ADGRA2: variants seen among roughly 807,000 people sequenced by gnomAD.
ADGRA2 encodes the protein G-protein coupled receptor 124.
ADGRA2 carries 61 observed loss-of-function variants against 98.7 expected under a neutral mutation model. The observed-to-expected ratio is 0.62, with a 90% CI of 0.50 to 0.76. The LOEUF (loss-of-function observed/expected upper bound fraction) is 0.76. Among genes scored for constraint, ADGRA2 ranks in the 30% least tolerant of loss-of-function variants. The probability of loss-of-function intolerance (pLI) is 0.00; values close to 1 mark genes in which losing one functional copy is unlikely to be tolerated. For missense variants in ADGRA2, 1,712 were observed against 1,860.0 expected, an observed-to-expected ratio of 0.92 and a Z score of 1.46; for synonymous variants, 858 against 831.5, an observed-to-expected ratio of 1.03 and a Z score of -0.55.
chr8:37,842,348 C>T lies in ADGRA2; in HGVS notation c.4010C>T (p.Thr1337Ile), dbSNP rs1345447583. Residue 1337 changes from threonine to isoleucine, a missense_variant, in exon 19 of 19, where the codon ACC (threonine) becomes ATC (isoleucine). By Grantham distance (89) the Thr-to-Ile change is moderately conservative (BLOSUM62 -1). Transcript: ENST00000412232. ...MKTGLWKSET[T>I]V ...ACCGGACTCTGGAAGAGCGAAACTA[C>T]CGTCTAAGGTGGGGCGGGCGACGCG... The T allele has an allele frequency of 2.7e-6, 4 of 1,492,326 alleles. No homozygotes were observed. Among genetic ancestry groups the T allele is most frequent in the African/African-American group, 2.9e-5 (2 of 68,166 alleles). 92.4% of individuals were successfully genotyped at this position (1,492,326 alleles called of 1,614,324 possible). A position where few individuals can be genotyped will look rare whatever the true frequency, so the allele number is the denominator to read the frequency against.
intron 2 of ADGRA2, among the ~76,000 whole-genome samples, chr8:37,828,203 A>G (rs545341906): frequency 6.6e-6 from 1 of 152,304 alleles, no homozygotes; most frequent in East Asian, 1.9e-4. Flanking sequence ...CACAAAGGCC[A>G]GGCTCAAGAA....
At chr8:37,808,401 G>A (rs920470541) in intron 1 of ADGRA2, among the ~76,000 whole-genome samples, 3 of 152,162 alleles carry the variant, frequency 2.0e-5, no homozygotes, top group Non-Finnish European at 4.4e-5. Context: ...TGTCTTGTGG[G>A]GGTTGAAGAG....
intron 1 of ADGRA2, among the ~76,000 whole-genome samples, chr8:37,800,006 A>C (rs1804452319): frequency 6.6e-6 from 1 of 152,154 alleles, no homozygotes; most frequent in African/African-American, 2.4e-5. Flanking sequence ...CCTTCCTCTG[A>C]GGCTCAGTCC....
chr8:37,833,563 C>T, intron 9 of ADGRA2, 125 bp from the exon 10 acceptor site: 1 of 987,670 alleles, frequency 1.0e-6, no homozygotes, highest in Non-Finnish European at 1.5e-6. Flanking sequence ...TTGATGAGAC[C>T]CAGAAGGTAG....
chr8:37,797,247 G>T lies in ADGRA2; in HGVS notation c.-22G>T. The T allele has an allele frequency of 8.1e-7, 1 of 1,237,780 alleles. No homozygotes were observed. Among genetic ancestry groups the T allele is most frequent in the Non-Finnish European group, 1.0e-6 (1 of 992,830 alleles). 76.7% of individuals were successfully genotyped at this position (1,237,780 alleles called of 1,614,324 possible). ...GCGCAGCCCGGCCCCAGCGCTGTGG[G>T]TCCCCGCGGGGCGATGGGTTGATGG... On this transcript the variant is annotated 5_prime_UTR_variant, in exon 1 of 19. Transcript: ENST00000412232. This position sits in a 1 kb window ranked among gnomAD's most constrained non-coding sequence, Gnocchi z 5.3.
At position 37,841,206 on chromosome 8, in the gene ADGRA2, G is replaced by T; in HGVS notation, c.2868G>T (p.Gln956His). 1.9e-6 allele frequency: 3 copies of T among 1,613,588 alleles called. No homozygotes were observed. Residue 956 changes from glutamine (Q) to histidine (H), a missense_variant, in exon 19 of 19, where the codon CAG (glutamine) becomes CAT (histidine). Transcript: ENST00000412232. The surrounding 1 kb of genome is among the most constrained non-coding windows in gnomAD (Gnocchi z 5.0). ...AGLRLRGPLA[Q>H]NPKAGNSRAS... is the part of the protein sequence containing the mutation. ...TACGCTTACGGGGTCCTCTGGCACA[G>T]AACCCCAAGGCGGGCAACAGCAGGG...
Position 37,835,272 on chromosome 8 carries a change from GGGCACACGGCCA to G in ADGRA2, c.1710_1721del (p.Thr571_Gly574del), listed in dbSNP as rs1805573497. 2.5e-6 allele frequency: 4 copies of G among 1,613,646 alleles called. No individual in the cohort carries two copies. Among genetic ancestry groups the G allele is most frequent in the South Asian group, 1.1e-5 (1 of 91,078 alleles). ...TCCAGAGGAGGGAGGGAGGGGTGCC[GGGCACACGGCCA>G]GGAAGCCCTGGCCAGAACCCCCCAC... is the stretch of plus-strand genomic sequence containing the variant. On this transcript the variant is annotated inframe_deletion, in exon 12 of 19. Transcript: ENST00000412232.
rs761737472 is a variant in ADGRA2, at chr8:37,829,444, G to A, written c.483-44G>A. ...CACCTGCTCTCCTCCGCCGGCCCAT[G>A]GACACCCTAAGACCCCATCTCAGTT... is the stretch of plus-strand genomic sequence containing the variant. On this transcript the variant is annotated intron_variant, in intron 4 of 18. Coordinates refer to ENST00000412232, the MANE Select transcript of ADGRA2 (RefSeq NM_032777.10). 1.9e-6 allele frequency: 3 copies of A among 1,568,798 alleles called. No homozygotes were observed. In the African/African-American group the frequency reaches 4.1e-5, roughly 21 times the overall value.
chr8:37,825,947 C>T (rs765375382), intron 2 of ADGRA2, among the ~76,000 whole-genome samples: 2 of 152,168 alleles, frequency 1.3e-5, no homozygotes, highest in African/African-American at 4.8e-5. Context: ...GCCCACCCTC[C>T]GTGGAGGTGG....
chr8:37,805,250 C>T (rs895583125), intron 1 of ADGRA2, among the ~76,000 whole-genome samples: 4 of 152,158 alleles, frequency 2.6e-5, no homozygotes, highest in African/African-American at 9.7e-5. Flanking sequence ...GTATCTTCAC[C>T]CCATGGGAGG....
chr8:37,826,178 A>G (rs1805275174), intron 2 of ADGRA2, among the ~76,000 whole-genome samples: 1 of 152,164 alleles, frequency 6.6e-6, no homozygotes, highest in East Asian at 1.9e-4. Flanking sequence ...CATGAAGGGA[A>G]GTGACACAAT....
chr8:37,835,845 C>A, intron 13 of ADGRA2, 75 bp downstream of exon 13: 1 of 908,730 alleles, frequency 1.1e-6, no homozygotes, highest in Non-Finnish European at 1.8e-6. Flanking sequence ...TCCTGCCCTT[C>A]CCTGGCCCAC....
Position 37,839,081 on chromosome 8 carries a change from C to A in ADGRA2, c.2385C>A (p.His795Gln). The change falls in exon 15 of 19, where the codon CAC becomes CAA. Residue 795 changes from histidine (H) to glutamine (Q), a missense_variant and splice_region_variant. Coordinates refer to ENST00000412232, the MANE Select transcript of ADGRA2 (RefSeq NM_032777.10). ...CCATCATCACCTACATCCTCAACCACAGGTGGGTGCTCCTGCAGGAGGGAG... is the reference window on the plus strand; with the variant it reads ...CCATCATCACCTACATCCTCAACCAAAGGTGGGTGCTCCTGCAGGAGGGAG... ...FATIITYILN[H>Q]SSIRVSRKGW... The A allele has an allele frequency of 6.2e-7, 1 of 1,608,078 alleles. No homozygotes were observed. The highest frequency in any genetic ancestry group is 8.5e-7 in the Non-Finnish European group (1 of 1,176,978).
intron 2 of ADGRA2, among the ~76,000 whole-genome samples, chr8:37,828,375 C>T (rs1805343918): frequency 6.6e-6 from 1 of 152,102 alleles, no homozygotes; most frequent in South Asian, 2.1e-4. Context: ...TTGTCTGAGG[C>T]CCTTGTGATC....
chr8:37,827,545 G>A (rs1013265764), intron 2 of ADGRA2, among the ~76,000 whole-genome samples: 7 of 152,210 alleles, frequency 4.6e-5, no homozygotes, highest in African/African-American at 1.2e-4. Flanking sequence ...CTTACCTGCC[G>A]CTCACTCCTC....
rs556747040 is a variant in ADGRA2, at chr8:37,830,852, T to A, written c.861T>A (p.Pro287=). ...TCCGCTGGTACCACAACCGAGCCCC[T>A]GTGGAGGGTGATGAGCAGGCGGGCA... ...TRIRWYHNRA[P]VEGDEQAGIL... Residue 287 remains proline, a synonymous_variant, in exon 7 of 19, where the codon CCT becomes CCA. Transcript: ENST00000412232. This position sits in a 1 kb window ranked among gnomAD's most constrained non-coding sequence, Gnocchi z 4.8. 1.9e-6 allele frequency: 3 copies of A among 1,593,948 alleles called. No homozygotes were observed. The highest frequency in any genetic ancestry group is 2.7e-5 in the African/African-American group (2 of 74,630).
At chr8:37,815,192 G>A (rs528502124) in intron 2 of ADGRA2, among the ~76,000 whole-genome samples, 2 of 152,320 alleles carry the variant, frequency 1.3e-5, no homozygotes, top group South Asian at 2.1e-4. Context: ...CAGCCACGGC[G>A]AGAGAAGTGG....
intron 13 of ADGRA2, 57 bp downstream of exon 13, chr8:37,835,827 C>A: frequency 8.9e-7 from 1 of 1,125,024 alleles, no homozygotes; most frequent in Non-Finnish European, 1.3e-6. Context: ...CCGCCCTGTT[C>A]CCCTTTATCC....
At chr8:37,838,500 G>A (rs1241788969) in intron 14 of ADGRA2, among the ~76,000 whole-genome samples, 2 of 152,050 alleles carry the variant, frequency 1.3e-5, no homozygotes, top group East Asian at 1.9e-4. Flanking sequence ...TGATCCGCCC[G>A]CCTCAGCCTC....
Sources: gnomAD v4.1 joint callset for allele counts (sites outside exome capture counted in the v4.1 genomes callset) on GRCh38, gnomAD v4.1.1 for gene constraint, Gnocchi (gnomAD v3.1) non-coding constraint, MANE v1.5 for transcripts, NCBI Gene and HGNC (gene_info 2026-07-23, HGNC 2026-07-21) for gene names.